CACNA1C: variants seen among roughly 807,000 people sequenced by gnomAD.
CACNA1C encodes voltage-dependent L-type calcium channel subunit alpha-1C.
In CACNA1C, 30 loss-of-function variants were observed where a neutral mutation model predicts 229.0. The ratio of observed to expected loss-of-function variants is 0.13; its 90% confidence interval spans 0.10 to 0.18. The LOEUF is 0.18. Ranked by LOEUF, CACNA1C falls within the 10% of genes least tolerant of loss-of-function variation. CACNA1C has a pLI of 1.00. For missense variants in CACNA1C, 1,658 were observed against 2,845.0 expected, an observed-to-expected ratio of 0.58 and a Z score of 9.49; for synonymous variants, 1,114 against 1,132.5, an observed-to-expected ratio of 0.98 and a Z score of 0.33.
At chr12:2,331,482 G>A (rs539811950) in intron 3 of CACNA1C, among the ~76,000 whole-genome samples, 5 of 152,322 alleles carry the variant, frequency 3.3e-5, no homozygotes, top group South Asian at 2.1e-4. Context: ...GGACGAGGTC[G>A]TGTCAAAGGA....
intron 1 of CACNA1C, among the ~76,000 whole-genome samples, chr12:2,025,814 T>C (rs1256120584): frequency 6.6e-6 from 1 of 152,226 alleles, no homozygotes; most frequent in East Asian, 1.9e-4. Flanking sequence ...TGTCCTCTTC[T>C]CAGGTTTTAA....
chr12:2,129,566 A>T (rs1202811869), intron 3 of CACNA1C, among the ~76,000 whole-genome samples: 1 of 152,160 alleles, frequency 6.6e-6, no homozygotes, highest in Non-Finnish European at 1.5e-5. Context: ...ACTTCTTGTA[A>T]TTTAAGTATA....
intron 18 of CACNA1C, among the ~76,000 whole-genome samples, chr12:2,586,736 C>T (rs2062600888): frequency 1.3e-5 from 2 of 152,170 alleles, no homozygotes; most frequent in African/African-American, 2.4e-5. Context: ...TCCCTTTTTG[C>T]TTTCCCTCCG....
chr12:2,282,411 A>G (rs187086022), intron 3 of CACNA1C, among the ~76,000 whole-genome samples: 2 of 152,324 alleles, frequency 1.3e-5, no homozygotes, highest in Non-Finnish European at 2.9e-5. Context: ...TTCCCTCTCA[A>G]TAGGGAAGAC....
At chr12:2,439,952 C>T (rs2099202774) in intron 3 of CACNA1C, among the ~76,000 whole-genome samples, 1 of 152,046 alleles carries the variant, frequency 6.6e-6, no homozygotes, top group Admixed American at 6.5e-5. Context: ...TGCAGAAGAC[C>T]CCCGGCAGGA....
At chr12:2,169,893 C>T (rs972657830) in intron 3 of CACNA1C, among the ~76,000 whole-genome samples, 2 of 152,168 alleles carry the variant, frequency 1.3e-5, no homozygotes, top group Non-Finnish European at 2.9e-5. Context: ...GATTGAGGAG[C>T]ACATTACCTA....
At chr12:2,506,601 G>A (rs1426615570) in intron 8 of CACNA1C, among the ~76,000 whole-genome samples, 1 of 152,178 alleles carries the variant, frequency 6.6e-6, no homozygotes, top group Non-Finnish European at 1.5e-5. Context: ...TAGAAGTATA[G>A]AATCATCAAA....
chr12:2,294,459 G>T (rs889819454), intron 3 of CACNA1C, among the ~76,000 whole-genome samples: 10 of 151,978 alleles, frequency 6.6e-5, no homozygotes, highest in African/African-American at 1.2e-4. Flanking sequence ...AGTCAGAAAG[G>T]CCCTGAGGAG....
At chr12:2,431,523 A>C (rs1419088734) in intron 3 of CACNA1C, among the ~76,000 whole-genome samples, 1 of 152,182 alleles carries the variant, frequency 6.6e-6, no homozygotes, top group Non-Finnish European at 1.5e-5. Flanking sequence ...CAGTAATCCA[A>C]ATGTGCTCTG....
rs116095255 is a variant in CACNA1C, at chr12:2,668,664, G to C, written c.4624-269G>C. 394 of 403,034 alleles carry C rather than the reference G, an allele frequency of 9.8e-4. 1 individual carries two copies. Among genetic ancestry groups the C allele is most frequent in the African/African-American group, 7.4e-3 (369 of 49,654 alleles). The allele number at this position is 403,034 out of a possible 1,614,324, so 25.0% of individuals were successfully genotyped here. On this transcript the variant is annotated intron_variant, in intron 37 of 46. Transcript: ENST00000399655. ...TCACATGGACAGACAGGGAGCAAGA[G>C]AGAAGGGGGAGGGACCACACACTTA...
Position 2,177,930 on chromosome 12 carries a change from C to T in CACNA1C, c.477+57500C>T, listed in dbSNP as rs115969602. On this transcript the variant is annotated intron_variant, in intron 3 of 46. Coordinates refer to ENST00000399655, the MANE Select transcript of CACNA1C (RefSeq NM_000719.7). ...GGAATTACAGGCATGAGCCACTGCCCGTGGCTGATTTCCAGTGTTTCTATG... is the reference window on the plus strand; with the variant it reads ...GGAATTACAGGCATGAGCCACTGCCTGTGGCTGATTTCCAGTGTTTCTATG... Among the ~76,000 whole-genome samples, 290 of 152,294 alleles carry T rather than the reference C, an allele frequency of 1.9e-3. 1 individual carries two copies. Among genetic ancestry groups the T allele is most frequent in the African/African-American group, 6.6e-3 (274 of 41,552 alleles).
intron 1 of CACNA1C, among the ~76,000 whole-genome samples, chr12:2,071,172 C>CCCTTCCTTCCTTCCTGCCTG (rs1555115765): frequency 6.2e-5 from 1 of 16,046 alleles, no homozygotes; most frequent in Non-Finnish European, 1.1e-4. Context: ...CTCCCTCCCT[C>CCCTTCCTTCCTTCCTGCCTG]CCTGCCTGCC....
chr12:2,642,558 C>T (rs2093839603), intron 30 of CACNA1C, among the ~76,000 whole-genome samples: 1 of 152,212 alleles, frequency 6.6e-6, no homozygotes, highest in African/African-American at 2.4e-5. Flanking sequence ...GAAGCATGGC[C>T]ACTTCTGTTG....
Position 2,602,517 on chromosome 12 carries a change from ATGTG to A in CACNA1C, c.2960+559_2960+562del. 1.3e-5 allele frequency among the ~76,000 whole-genome samples: 2 copies of A among 151,302 alleles called. No homozygotes were observed. Among genetic ancestry groups the A allele is most frequent in the Admixed American group, 1.3e-4 (2 of 15,188 alleles). On this transcript the variant is annotated intron_variant, in intron 22 of 46. Coordinates refer to ENST00000399655, the MANE Select transcript of CACNA1C (RefSeq NM_000719.7). The surrounding 1 kb of genome is among the most constrained non-coding windows in gnomAD (Gnocchi z 4.4). Reference sequence around the variant, plus strand: ...TGGCTGTGTGTATGTGTGTGTATGTATGTGTTTGTGTTTGTGTCTGCATATGTGT... The same window carrying A: ...TGGCTGTGTGTATGTGTGTGTATGTATTTGTGTTTGTGTCTGCATATGTGT...
chr12:2,444,759 C>T (rs2099262016), intron 3 of CACNA1C, among the ~76,000 whole-genome samples: 1 of 152,130 alleles, frequency 6.6e-6, no homozygotes, highest in African/African-American at 2.4e-5. Context: ...ACTGCCTCTT[C>T]CCTCAACCCC....
intron 25 of CACNA1C, 97 bp from the exon 26 acceptor site, chr12:2,606,887 G>A (rs1037200114): frequency 1.4e-6 from 2 of 1,409,882 alleles, no homozygotes; most frequent in Admixed American, 1.8e-5. Context: ...GTTCAAGCCA[G>A]GCAGTCCCAT....
chr12:2,297,585 C>T (rs1395803091), intron 3 of CACNA1C, among the ~76,000 whole-genome samples: 1 of 152,168 alleles, frequency 6.6e-6, no homozygotes, highest in Non-Finnish European at 1.5e-5. Context: ...TGTGTATTTT[C>T]CCCACCACTG....
At chr12:2,690,471 AG>A (rs1335456485) in intron 46 of CACNA1C, among the ~76,000 whole-genome samples, 3 of 152,208 alleles carry the variant, frequency 2.0e-5, no homozygotes, top group African/African-American at 4.8e-5. Context: ...CTAAGATCAC[AG>A]GTGTGCATCA....
intron 3 of CACNA1C, among the ~76,000 whole-genome samples, chr12:2,298,018 G>C (rs2094217740): frequency 6.6e-6 from 1 of 152,178 alleles, no homozygotes; most frequent in Non-Finnish European, 1.5e-5. Context: ...TCCTTGCTGG[G>C]TAACATCTAA....
Sources: allele counts gnomAD v4.1 joint callset (sites outside exome capture counted in the v4.1 genomes callset), GRCh38; gene constraint gnomAD v4.1.1; non-coding constraint Gnocchi (gnomAD v3.1); transcripts MANE v1.5; gene names NCBI Gene and HGNC (gene_info 2026-07-23, HGNC 2026-07-21).